Variants in ANKDD1A observed in about 807,000 individuals in gnomAD.
ANKDD1A encodes ankyrin repeat and death domain-containing protein 1A.
In ANKDD1A, 59 loss-of-function variants were observed where a neutral mutation model predicts 63.5. The observed-to-expected ratio is 0.93, with a 90% CI of 0.75 to 1.15. The LOEUF is 1.15. Ranked by LOEUF, ANKDD1A falls within the 50% of genes most tolerant of loss-of-function variation. The pLI, the probability that ANKDD1A is intolerant of heterozygous loss-of-function variation, is 0.00. For synonymous variants in ANKDD1A, 266 were observed against 263.9 expected (o/e 1.01, Z -0.08); for missense variants, 632 against 656.4 (o/e 0.96, Z 0.41).
chr15:64,954,166 CTTTCT>C (rs1306752004), intron 14 of ANKDD1A, among the ~76,000 whole-genome samples: 4 of 128,852 alleles, frequency 3.1e-5, no homozygotes, highest in East Asian at 2.4e-4. Context: ...ATTCTTTCTT[CTTTCT>C]TTTCTTCTTC....
At chr15:64,929,650 G>A (rs1432106849) in intron 6 of ANKDD1A, among the ~76,000 whole-genome samples, 1 of 152,148 alleles carries the variant, frequency 6.6e-6, no homozygotes, top group Non-Finnish European at 1.5e-5. Context: ...AAGTCCCAGG[G>A]ACACATGTCA....
At chr15:64,940,144 T>TA (rs60623769) in intron 9 of ANKDD1A, among the ~76,000 whole-genome samples, 120,665 of 145,150 alleles carry the variant, frequency 0.83, 53,234 homozygotes, top group East Asian at 0.99. Flanking sequence ...AACTCAACAG[T>TA]AAAAAAAAAA....
At chr15:64,954,768 T>C (rs2085397734) in intron 14 of ANKDD1A, among the ~76,000 whole-genome samples, 1 of 147,508 alleles carries the variant, frequency 6.8e-6, no homozygotes, top group Non-Finnish European at 1.5e-5. Flanking sequence ...TTGTTCTTCT[T>C]TCTTCTTCTC....
Position 64,931,550 on chromosome 15 carries a change from C to T in ANKDD1A, c.733C>T (p.Leu245Phe). The T allele has an allele frequency of 1.2e-6, 2 of 1,614,086 alleles. No individual in the cohort carries two copies. The highest frequency in any genetic ancestry group is 1.7e-6 in the Non-Finnish European group (2 of 1,180,026). ...GSHPDCVQLL[L>F]RAGSTVNALT... ...CCACCCTGACTGTGTGCAGCTCCTC[C>T]TCAGGGCTGGGAGCACCGTGAATGC... is the stretch of plus-strand genomic sequence containing the variant. The change falls in exon 8 of 15, where the codon CTC (leucine) becomes TTC (phenylalanine). Residue 245 changes from leucine (L) to phenylalanine (F), a missense_variant. Transcript: ENST00000319580.
chr15:64,921,167 G>A (rs149369149), intron 3 of ANKDD1A, among the ~76,000 whole-genome samples: 3 of 151,606 alleles, frequency 2.0e-5, no homozygotes, highest in African/African-American at 7.3e-5. Flanking sequence ...AGAGATGGGG[G>A]TCCCCCTATT....
chr15:64,953,529 T>C (rs2085344091), intron 14 of ANKDD1A, among the ~76,000 whole-genome samples: 1 of 110,206 alleles, frequency 9.1e-6, no homozygotes, highest in South Asian at 2.9e-4. Flanking sequence ...TTCTTCCTTC[T>C]TCTCCTCTCC....
intron 6 of ANKDD1A, 102 bp from the exon 7 acceptor site, chr15:64,930,720 C>T: frequency 1.8e-6 from 2 of 1,123,790 alleles, no homozygotes; most frequent in East Asian, 5.1e-5. Context: ...TTGTCAGGAG[C>T]AGGGTGGCAC....
At chr15:64,952,648 T>TCTTTCTTCTTCCTTTTCCTC (rs587634921) in intron 14 of ANKDD1A, among the ~76,000 whole-genome samples, 3 of 141,768 alleles carry the variant, frequency 2.1e-5, no homozygotes, top group African/African-American at 7.9e-5. Flanking sequence ...TTCTTCTCCT[T>TCTTTCTTCTTCCTTTTCCTC]CTCCTTCTTC....
intron 10 of ANKDD1A, among the ~76,000 whole-genome samples, chr15:64,943,050 A>G (rs1471410203): frequency 2.0e-5 from 3 of 152,248 alleles, no homozygotes; most frequent in Non-Finnish European, 4.4e-5. Context: ...AGAATATGTC[A>G]TATACCTTTA....
chr15:64,917,440 C>A lies in ANKDD1A; in HGVS notation c.193C>A (p.Arg65Ser). The change falls in exon 3 of 15, where the codon CGT (arginine) becomes AGT (serine). Residue 65 changes from arginine (R) to serine (S), a missense_variant. Transcript: ENST00000319580. Reference protein sequence around the residue: ...AAGAGHEQAVRLLLEHEAAVD... With the variant: ...AAGAGHEQAVSLLLEHEAAVD... ...AGGTGCAGGGCACGAGCAGGCTGTG[C>A]GTCTGCTTCTGGAGCACGAGGCTGC... is the stretch of plus-strand genomic sequence containing the variant. 6.2e-7 allele frequency: 1 copy of A among 1,610,014 alleles called. No homozygotes were observed. The highest frequency in any genetic ancestry group is 8.5e-7 in the Non-Finnish European group (1 of 1,178,766).
At chr15:64,930,757 A>T (rs1413620187) in intron 6 of ANKDD1A, 65 bp from the exon 7 acceptor site, 74 of 1,519,564 alleles carry the variant, frequency 4.9e-5, no homozygotes, top group Non-Finnish European at 9.0e-7. Context: ...GCTGCAGCTC[A>T]TCACAGGTCT....
Position 64,953,820 on chromosome 15 carries a change from ATTC to A in ANKDD1A, c.1484-3280_1484-3278del, listed in dbSNP as rs765768889. On this transcript the variant is annotated intron_variant, in intron 14 of 14. Transcript: ENST00000319580. Reference sequence around the variant, plus strand: ...CTTCTTCCTTTTTTTCTTCTTCCTTATTCTTTTCTTCTTTCCTCTTCTTTTCTT... The same window carrying A: ...CTTCTTCCTTTTTTTCTTCTTCCTTATTTTCTTCTTTCCTCTTCTTTTCTT... 1.2e-3 allele frequency among the ~76,000 whole-genome samples: 72 copies of A among 57,818 alleles called. 1 individual carries two copies. The highest frequency in any genetic ancestry group is 3.6e-3 in the East Asian group (6 of 1,680). The allele number at this position is 57,818 out of a possible 152,430, so 37.9% of individuals were successfully genotyped here. A position where few individuals can be genotyped will look rare whatever the true frequency, so the allele number is the denominator to read the frequency against.
chr15:64,952,565 G>GTTCTTCTTCTCCTTCTT (rs1298653062), intron 14 of ANKDD1A, among the ~76,000 whole-genome samples: 1 of 80,790 alleles, frequency 1.2e-5, no homozygotes, highest in African/African-American at 4.5e-5. Context: ...CTTCTCCTTC[G>GTTCTTCTTCTCCTTCTT]TTCTTCTTCT....
rs1202269150 is a variant in ANKDD1A, at chr15:64,949,769, T to C, written c.1352-72T>C. ...GTTCAGGAGGCGGTGCAGGGTGGCA[T>C]AGACAGGCGCTCTGGTCAAGTGGCC... On this transcript the variant is annotated intron_variant, in intron 13 of 14. Transcript: ENST00000319580. 2.9e-5 allele frequency: 46 copies of C among 1,573,666 alleles called. No individual in the cohort carries two copies. In the Middle Eastern group the frequency reaches 5.0e-4, roughly 17 times the overall value.
At chr15:64,940,084 A>C (rs992095084) in intron 9 of ANKDD1A, among the ~76,000 whole-genome samples, 4 of 151,968 alleles carry the variant, frequency 2.6e-5, no homozygotes, top group African/African-American at 9.7e-5. Flanking sequence ...AGATTTGCAA[A>C]TCACATATCT....
chr15:64,935,654 G>A (rs1207704599), intron 9 of ANKDD1A, among the ~76,000 whole-genome samples: 7 of 148,566 alleles, frequency 4.7e-5, no homozygotes, highest in African/African-American at 1.5e-4. Context: ...CAGCCTGGGC[G>A]ACAGAGCAAG....
At chr15:64,947,308 A>G in intron 12 of ANKDD1A, 96 bp from the exon 13 acceptor site, 1 of 1,290,108 alleles carries the variant, frequency 7.8e-7, no homozygotes, top group South Asian at 1.4e-5. Flanking sequence ...GCACCCCAGC[A>G]GAGGTGGTAG....
intron 12 of ANKDD1A, among the ~76,000 whole-genome samples, chr15:64,946,596 G>C (rs1205877270): frequency 1.3e-5 from 2 of 152,142 alleles, no homozygotes; most frequent in Non-Finnish European, 2.9e-5. Flanking sequence ...AATCTCCCCT[G>C]GACCCCTAGG....
intron 12 of ANKDD1A, among the ~76,000 whole-genome samples, chr15:64,945,295 G>A (rs1380970254): frequency 1.3e-5 from 2 of 151,956 alleles, no homozygotes; most frequent in African/African-American, 2.4e-5. Context: ...ATTTACTTCA[G>A]TTTTCAAAGT....
Sources: gnomAD v4.1 joint callset for allele counts (sites outside exome capture counted in the v4.1 genomes callset) on GRCh38, gnomAD v4.1.1 for gene constraint, MANE v1.5 for transcripts, NCBI Gene and HGNC (gene_info 2026-07-23, HGNC 2026-07-21) for gene names.